The following EPM2A variants were observed in gnomAD, a reference collection of about 807,000 sequenced individuals.
The protein encoded by EPM2A is laforin.
In EPM2A, 21 loss-of-function variants were observed where a neutral mutation model predicts 26.5. That is an observed-to-expected ratio of 0.79 (90% CI 0.56 to 1.14). The LOEUF is 1.14. EPM2A is among the 50% of genes most tolerant of loss of function. EPM2A has a pLI of 0.00. For synonymous variants in EPM2A, 217 were observed against 177.6 expected (o/e 1.22, Z -1.76); for missense variants, 458 against 440.8 (o/e 1.04, Z -0.35).
At chr6:145,427,170 G>A (rs1235004133) in intron 4 of EPM2A, among the ~76,000 whole-genome samples, 2 of 152,268 alleles carry the variant, frequency 1.3e-5, no homozygotes, top group South Asian at 2.1e-4. Flanking sequence ...CCAATATCAA[G>A]TCCACACCCC....
intron 2 of EPM2A, among the ~76,000 whole-genome samples, chr6:145,505,282 T>C (rs1421828197): frequency 6.6e-6 from 1 of 152,130 alleles, no homozygotes; most frequent in African/African-American, 2.4e-5. Context: ...ATTTCAGACT[T>C]ATAGAAAAGG....
chr6:145,460,493 T>C (rs868746343), intron 4 of EPM2A, among the ~76,000 whole-genome samples: 1 of 152,110 alleles, frequency 6.6e-6, no homozygotes, highest in East Asian at 1.9e-4. Flanking sequence ...GTAAGATAAG[T>C]ATATATAAAG....
chr6:145,678,693 C>T (rs553506039), intron 2 of EPM2A, among the ~76,000 whole-genome samples: 1 of 152,260 alleles, frequency 6.6e-6, no homozygotes, highest in South Asian at 2.1e-4. Flanking sequence ...ATCAAAACCA[C>T]AATGAGATAC....
At chr6:145,671,497 G>T in intron 2 of EPM2A, 1 of 481,498 alleles carries the variant, frequency 2.1e-6, no homozygotes, top group Non-Finnish European at 2.7e-6. Context: ...AATTAACATT[G>T]ACATTAATCA....
intron 2 of EPM2A, among the ~76,000 whole-genome samples, chr6:145,595,368 C>T (rs1444780302): frequency 6.6e-6 from 1 of 151,330 alleles, no homozygotes; most frequent in East Asian, 1.9e-4. Context: ...TCCAAGAAGA[C>T]ATACTATAGG....
Position 145,679,030 on chromosome 6 carries a change from GA to G in EPM2A, c.476+7091del, listed in dbSNP as rs572094705. On this transcript the variant is annotated intron_variant, in intron 2 of 3. Coordinates refer to ENST00000367519, the MANE Select transcript of EPM2A (RefSeq NM_005670.4). ...GTCCATCAATGATAGACTGGATTAA[GA>G]AAATGTGGCACATATACATCATGGA... Among the ~76,000 whole-genome samples the G allele has an allele frequency of 1.8e-3, 273 of 152,296 alleles. 1 individual carries two copies. Among genetic ancestry groups the G allele is most frequent in the Non-Finnish European group, 2.8e-3 (189 of 68,038 alleles).
chr6:145,583,767 G>A (rs1781148326), intron 2 of EPM2A, among the ~76,000 whole-genome samples: 1 of 152,250 alleles, frequency 6.6e-6, no homozygotes, highest in Non-Finnish European at 1.5e-5. Flanking sequence ...ATGGCAGAGT[G>A]CCCACATGTC....
intron 2 of EPM2A, among the ~76,000 whole-genome samples, chr6:145,507,391 C>A (rs1779990967): frequency 6.6e-6 from 1 of 152,180 alleles, no homozygotes; most frequent in African/African-American, 2.4e-5. Flanking sequence ...GCCCTTGCGA[C>A]AGCATTCAGC....
At chr6:145,405,981 T>TACAC (rs56700058) in intron 4 of EPM2A, among the ~76,000 whole-genome samples, 3,248 of 146,496 alleles carry the variant, frequency 0.022, 44 homozygotes, top group Non-Finnish European at 0.024. Context: ...TGGAGATACC[T>TACAC]ACACACACAC....
chr6:145,466,848 A>G (rs1440514248), intron 4 of EPM2A, among the ~76,000 whole-genome samples: 5 of 152,218 alleles, frequency 3.3e-5, no homozygotes, highest in Non-Finnish European at 7.3e-5. Context: ...TTGTAGGGAC[A>G]TGGATGAAAT....
At chr6:145,706,481 T>C (rs1398899421) in intron 1 of EPM2A, among the ~76,000 whole-genome samples, 2 of 152,166 alleles carry the variant, frequency 1.3e-5, no homozygotes, top group African/African-American at 4.8e-5. Context: ...AGGGTGCATG[T>C]TTTTCTTTCC....
chr6:145,558,122 T>C (rs557716025), intron 2 of EPM2A, among the ~76,000 whole-genome samples: 49 of 152,112 alleles, frequency 3.2e-4, no homozygotes, highest in African/African-American at 1.2e-3. Flanking sequence ...TAAGGCTGAA[T>C]AGTATTCTAT....
intron 2 of EPM2A, among the ~76,000 whole-genome samples, chr6:145,507,469 C>T (rs998522225): frequency 6.6e-6 from 1 of 152,086 alleles, no homozygotes; most frequent in Admixed American, 6.5e-5. Flanking sequence ...GGATATGTGC[C>T]AAGGGAGGGC....
chr6:145,695,425 G>C lies in EPM2A; in HGVS notation c.302-9129C>G, dbSNP rs549628459. 9.2e-5 allele frequency among the ~76,000 whole-genome samples: 14 copies of C among 152,050 alleles called. No homozygotes were observed. The South Asian group carries it at 2.7e-3, about 29-fold the overall frequency. On this transcript the variant is annotated intron_variant, in intron 1 of 3. Transcript: ENST00000367519. ...CCAGAAAACAAATTATGAAAAGGCA[G>C]TAAGATAAGTCCTTACATACTATAA...
At chr6:145,713,933 C>A (rs1304991912) in intron 1 of EPM2A, among the ~76,000 whole-genome samples, 7 of 152,132 alleles carry the variant, frequency 4.6e-5, no homozygotes, top group Non-Finnish European at 1.0e-4. Flanking sequence ...TGCTACAACA[C>A]GTACAAACCC....
Position 145,596,235 on chromosome 6 carries a change from A to G in EPM2A, c.340+39010T>C, listed in dbSNP as rs543468502. On this transcript the variant is annotated intron_variant, in intron 2 of 3. Transcript: ENST00000450221. Reference sequence around the variant, plus strand: ...AGATTTCCTGATGAAATATGTTTGTATGATAGGTAATTGTGCAATTTGTAA... The same window carrying G: ...AGATTTCCTGATGAAATATGTTTGTGTGATAGGTAATTGTGCAATTTGTAA... Among the ~76,000 whole-genome samples, 3 of 152,334 alleles carry G rather than the reference A, an allele frequency of 2.0e-5. No homozygotes were observed. In the South Asian group the frequency reaches 6.2e-4, roughly 32 times the overall value.
chr6:145,491,138 A>G, intron 4 of EPM2A: 1 of 560,768 alleles, frequency 1.8e-6, no homozygotes, highest in Non-Finnish European at 3.5e-6. Flanking sequence ...TTTTCCTCTA[A>G]TGGAGCTGAG....
chr6:145,576,176 C>G (rs1453060969), intron 2 of EPM2A, among the ~76,000 whole-genome samples: 3 of 152,164 alleles, frequency 2.0e-5, no homozygotes, highest in African/African-American at 7.2e-5. Flanking sequence ...AATTCCTGCC[C>G]AGGAAGATGG....
rs1214905836 is a variant in EPM2A, at chr6:145,712,079, T to C, written c.301+23119A>G. On this transcript the variant is annotated intron_variant, in intron 1 of 3. Transcript: ENST00000367519. The stretch of plus-strand genomic sequence containing the variant: ...TTATGGTGAAGTTCAGGTGGAAGAA[T>C]GGTGAAATCATTGATGCTTTACAAA... Among the ~76,000 whole-genome samples, 5 of 152,118 alleles carry C rather than the reference T, an allele frequency of 3.3e-5. No individual in the cohort carries two copies. In the East Asian group the frequency reaches 7.7e-4, roughly 23 times the overall value.
Sources: gnomAD v4.1 joint callset for allele counts (sites outside exome capture counted in the v4.1 genomes callset) on GRCh38, gnomAD v4.1.1 for gene constraint, MANE v1.5 for transcripts, NCBI Gene and HGNC (gene_info 2026-07-23, HGNC 2026-07-21) for gene names.